ANK2: variants seen among roughly 807,000 people sequenced by gnomAD.
ANK2 encodes ankyrin 2, also known as ankyrin-2.
ANK2 carries 83 observed loss-of-function variants against 360.5 expected under a neutral mutation model. The observed-to-expected ratio is 0.23, with a 90% confidence interval of 0.19 to 0.28. The LOEUF is 0.28. ANK2 is among the 10% of genes least tolerant of loss of function. The probability of loss-of-function intolerance (pLI) is 1.00; values close to 1 mark genes in which losing one functional copy is unlikely to be tolerated. For missense variants in ANK2, 4,201 were observed against 4,795.7 expected (o/e 0.88, Z 3.66); for synonymous variants, 1,740 against 1,759.5 (o/e 0.99, Z 0.28).
intron 26 of ANK2, among the ~76,000 whole-genome samples, chr4:113,321,555 G>A (rs1043588342): frequency 1.3e-5 from 2 of 152,132 alleles, no homozygotes; most frequent in Non-Finnish European, 2.9e-5. Flanking sequence ...AAGCTACCAT[G>A]ATATTAATGT....
chr4:113,247,086 G>A (rs1025383745), intron 9 of ANK2, among the ~76,000 whole-genome samples: 3 of 150,166 alleles, frequency 2.0e-5, no homozygotes, highest in African/African-American at 4.9e-5. Context: ...TCCCTCCAAT[G>A]TTGATTGATC....
intron 4 of ANK2, among the ~76,000 whole-genome samples, chr4:113,227,919 G>C (rs764179401): frequency 6.6e-6 from 1 of 152,164 alleles, no homozygotes; most frequent in African/African-American, 2.4e-5. Flanking sequence ...AGCTGTCCCA[G>C]ACAAACTAGA....
chr4:112,829,686 T>G (rs1215817096), intron 1 of ANK2, among the ~76,000 whole-genome samples: 1 of 152,040 alleles, frequency 6.6e-6, no homozygotes, highest in African/African-American at 2.4e-5. Context: ...CTGGGCATGG[T>G]GACTCACACC....
rs1381394563 is a variant in ANK2 at position 113,358,977 on chromosome 4, C to T, written c.10359C>T (p.Cys3453=). Residue 3453 remains cysteine (C), a synonymous_variant, in exon 38 of 46, where the codon TGC becomes TGT. Transcript: ENST00000357077. ...AGAGCAGAAGCACTACATCTTCCTG[C>T]AGGGGGGGCACGAGCCCCACAAAAG... The part of the protein sequence containing the change: ...PVKSRSTTSS[C]RGGTSPTKES... 12 of 1,613,946 alleles carry T rather than the reference C, an allele frequency of 7.4e-6. No homozygotes were observed. Among genetic ancestry groups the T allele is most frequent in the African/African-American group, 5.3e-5 (4 of 74,932 alleles).
intron 2 of ANK2, among the ~76,000 whole-genome samples, chr4:112,943,764 C>T (rs554861307): frequency 1.3e-5 from 2 of 152,184 alleles, no homozygotes; most frequent in Admixed American, 1.3e-4. Flanking sequence ...TGTTTTTCTT[C>T]TTTCCCCTTT....
intron 1 of ANK2, among the ~76,000 whole-genome samples, chr4:113,126,760 A>C (rs1001026404): frequency 2.0e-5 from 3 of 152,192 alleles, no homozygotes; most frequent in Non-Finnish European, 1.5e-5. Context: ...TGTATATAAC[A>C]TCAAGCACTC....
chr4:113,285,157 A>G (rs1413257641), intron 18 of ANK2, among the ~76,000 whole-genome samples: 1 of 150,774 alleles, frequency 6.6e-6, no homozygotes, highest in East Asian at 1.9e-4. Flanking sequence ...TTTTTTTTCC[A>G]GAAACCTTTC....
intron 2 of ANK2, among the ~76,000 whole-genome samples, chr4:112,964,858 C>T (rs1013251941): frequency 2.6e-5 from 4 of 152,110 alleles, no homozygotes; most frequent in Non-Finnish European, 5.9e-5. Flanking sequence ...CGTGAGCCAC[C>T]GCGCCCGGCC....
chr4:112,871,764 A>G (rs2073135522), intron 1 of ANK2, among the ~76,000 whole-genome samples: 1 of 152,168 alleles, frequency 6.6e-6, no homozygotes, highest in Non-Finnish European at 1.5e-5. Flanking sequence ...AAGTTCAGGA[A>G]TTTCCTTGCT....
intron 2 of ANK2, among the ~76,000 whole-genome samples, chr4:112,951,093 A>AG (rs2094949595): frequency 6.6e-6 from 1 of 151,288 alleles, no homozygotes; most frequent in Non-Finnish European, 1.5e-5. Flanking sequence ...AAAAAAAAAA[A>AG]AAAAAAAAAA....
At chr4:113,159,809 A>G (rs2097450794) in intron 1 of ANK2, among the ~76,000 whole-genome samples, 1 of 151,694 alleles carries the variant, frequency 6.6e-6, no homozygotes, top group Admixed American at 6.6e-5. Flanking sequence ...TGTAGTAGAG[A>G]TGGGGTTTCA....
At chr4:113,362,522 G>A (rs1353246574) in intron 39 of ANK2, among the ~76,000 whole-genome samples, 1 of 152,152 alleles carries the variant, frequency 6.6e-6, no homozygotes, top group African/African-American at 2.4e-5. Context: ...ATAGCTCACT[G>A]TAACCTCAAA....
intron 1 of ANK2, chr4:113,149,214 G>GT (rs1439269062): frequency 1.3e-5 from 2 of 152,144 alleles, no homozygotes; most frequent in Non-Finnish European, 2.9e-5. Context: ...AGGTGAGATT[G>GT]TAATCAGATT....
At chr4:113,131,553 C>G (rs1440217538) in intron 1 of ANK2, among the ~76,000 whole-genome samples, 1 of 152,158 alleles carries the variant, frequency 6.6e-6, no homozygotes, top group Non-Finnish European at 1.5e-5. Context: ...TGCTAAAAAG[C>G]CTGCACATCA....
intron 2 of ANK2, among the ~76,000 whole-genome samples, chr4:113,181,646 AG>A (rs1420540200): frequency 1.2e-4 from 18 of 152,254 alleles, no homozygotes; most frequent in Non-Finnish European, 2.6e-4. Flanking sequence ...GTCACTTTAG[AG>A]GGGATGGACA....
chr4:113,183,491 C>A (rs1463918382), intron 2 of ANK2, among the ~76,000 whole-genome samples: 1 of 152,036 alleles, frequency 6.6e-6, no homozygotes, highest in Non-Finnish European at 1.5e-5. Context: ...CACAAGGGAA[C>A]TGAGGATGCA....
In ANK2 at chr4:113,357,343, C is replaced by G; in HGVS notation, c.8725C>G (p.Pro2909Ala). 2.5e-6 allele frequency: 4 copies of G among 1,614,042 alleles called. No individual in the cohort carries two copies. Among genetic ancestry groups the G allele is most frequent in the Non-Finnish European group, 2.5e-6 (3 of 1,179,968 alleles). Residue 2909 changes from proline to alanine, a missense_variant, in exon 38 of 46, where the codon CCC becomes GCC. Pro to Ala is a conservative substitution (Grantham distance 27). This residue lies in a region of ANK2 where 2,642 missense variants were observed against 2,714.5 expected (regional missense o/e 0.97). Transcript: ENST00000357077. ...TQTDRFSMDV[P>A]VSDLAENDEI... ...AACAGATAGATTTTCCATGGATGTT[C>G]CCGTGTCTGACCTAGCTGAGAATGA...
the ANK2 span, among the ~76,000 whole-genome samples, chr4:112,735,214 GT>G: frequency 6.6e-6 from 1 of 152,052 alleles, no homozygotes; most frequent in African/African-American, 2.4e-5. Flanking sequence ...GTGAAACCCT[GT>G]TTCTACAAAA....
chr4:112,777,191 T>C, the ANK2 span, among the ~76,000 whole-genome samples: 1 of 152,182 alleles, frequency 6.6e-6, no homozygotes, highest in Admixed American at 6.5e-5. Context: ...GGCTTACATG[T>C]GCAAAATCAC....
Sources: allele counts gnomAD v4.1 joint callset (sites outside exome capture counted in the v4.1 genomes callset), GRCh38; gene constraint gnomAD v4.1.1; regional missense constraint gnomAD v4.1.1; transcripts MANE v1.5; gene names NCBI Gene and HGNC (gene_info 2026-07-23, HGNC 2026-07-21).